Variants in PLCG2 observed in about 807,000 individuals in gnomAD.
The protein encoded by PLCG2 is 1-phosphatidylinositol 4,5-bisphosphate phosphodiesterase gamma-2.
PLCG2 carries 69 observed loss-of-function variants against 175.6 expected under a neutral mutation model. The observed-to-expected ratio is 0.39, with a 90% CI of 0.32 to 0.48. PLCG2 has a LOEUF of 0.48. PLCG2 is among the 20% of genes least tolerant of loss of function. The pLI, the probability that PLCG2 is intolerant of heterozygous loss-of-function variation, is 0.91. For missense variants in PLCG2, 1,798 were observed against 1,650.9 expected, an observed-to-expected ratio of 1.09 and a Z score of -1.54; for synonymous variants, 827 against 624.0, an observed-to-expected ratio of 1.33 and a Z score of -4.85.
At chr16:81,882,146 T>G (rs1021343553) in intron 8 of PLCG2, among the ~76,000 whole-genome samples, 3 of 152,308 alleles carry the variant, frequency 2.0e-5, no homozygotes, top group African/African-American at 7.2e-5. Flanking sequence ...CTCCTGCAAG[T>G]GCTCAGGGAA....
At chr16:81,857,312 C>T (rs759678322) in intron 3 of PLCG2, among the ~76,000 whole-genome samples, 1 of 152,190 alleles carries the variant, frequency 6.6e-6, no homozygotes, top group Non-Finnish European at 1.5e-5. Flanking sequence ...TGGAGTTGGA[C>T]ACCTGGGTTT....
rs184190327 is a variant in PLCG2 at position 81,935,420 on chromosome 16, G to T, written c.2843-749G>T. 4.9e-5 allele frequency: 22 copies of T among 451,704 alleles called. No individual in the cohort carries two copies. The East Asian group carries it at 3.1e-3, about 65-fold the overall frequency. 28.0% of individuals were successfully genotyped at this position (451,704 alleles called of 1,614,324 possible). A position where few individuals can be genotyped will look rare whatever the true frequency, so the allele number is the denominator to read the frequency against. ...TATTAGGGCCTGGACATCTTTGGGG[G>T]CCATTTAAAAAAAAAAAGACCTTCT... On this transcript the variant is annotated intron_variant, in intron 26 of 32. Coordinates refer to ENST00000564138, the MANE Select transcript of PLCG2 (RefSeq NM_002661.5).
chr16:81,899,365 A>T (rs1440457730), intron 13 of PLCG2, among the ~76,000 whole-genome samples: 1 of 151,846 alleles, frequency 6.6e-6, no homozygotes, highest in Non-Finnish European at 1.5e-5. Flanking sequence ...TGATATGTGA[A>T]TTTATACATA....
intron 2 of PLCG2, among the ~76,000 whole-genome samples, chr16:81,812,428 T>C (rs1477245822): frequency 6.6e-6 from 1 of 152,238 alleles, no homozygotes; most frequent in African/African-American, 2.4e-5. Flanking sequence ...TTTGCATTTC[T>C]CTAATGACCA....
chr16:81,956,238 A>G (rs754750727), intron 31 of PLCG2, among the ~76,000 whole-genome samples: 22 of 152,224 alleles, frequency 1.4e-4, no homozygotes, highest in Non-Finnish European at 3.1e-4. Context: ...CTTGCCTTTT[A>G]AGGCCCTTAA....
intron 31 of PLCG2, among the ~76,000 whole-genome samples, chr16:81,955,750 C>T (rs112797817): frequency 1.2e-4 from 18 of 152,324 alleles, no homozygotes; most frequent in African/African-American, 3.6e-4. Flanking sequence ...GAAAGTCCCA[C>T]GGATGCGTCT....
At chr16:81,920,403 G>C (rs1910012925) in intron 20 of PLCG2, among the ~76,000 whole-genome samples, 1 of 152,214 alleles carries the variant, frequency 6.6e-6, no homozygotes, top group Admixed American at 6.5e-5. Flanking sequence ...CTGGAGAGGA[G>C]AGACAGATAA....
At chr16:81,957,080 C>G (rs1198181299) in intron 32 of PLCG2, among the ~76,000 whole-genome samples, 1 of 152,090 alleles carries the variant, frequency 6.6e-6, no homozygotes, top group Non-Finnish European at 1.5e-5. Flanking sequence ...GGTTGGATCA[C>G]CTGAGGTCAG....
At chr16:81,949,758 A>C (rs1470411066) in intron 31 of PLCG2, among the ~76,000 whole-genome samples, 2 of 152,218 alleles carry the variant, frequency 1.3e-5, no homozygotes, top group East Asian at 3.8e-4. Flanking sequence ...AGGATTTTTG[A>C]ATTGGAAGAA....
intron 2 of PLCG2, among the ~76,000 whole-genome samples, chr16:81,810,646 TTTTA>T (rs1197806442): frequency 1.4e-5 from 2 of 146,720 alleles, no homozygotes; most frequent in Non-Finnish European, 3.0e-5. Context: ...ATTTCTTTCT[TTTTA>T]TTTTTTGCTG....
At position 81,895,862 on chromosome 16, in the gene PLCG2, G is replaced by A. The variant is rs753644315; in HGVS notation, c.1128G>A (p.Arg376=). The A allele has an allele frequency of 1.2e-6, 2 of 1,614,054 alleles. No homozygotes were observed. Among genetic ancestry groups the A allele is most frequent in the Non-Finnish European group, 1.7e-6 (2 of 1,180,022 alleles). ...CGGTCATCTACCATGGCTGGACGCG[G>A]ACTACCAAGATCAAGTTTGACGACG... The part of the protein sequence containing the change: ...GKPVIYHGWT[R]TTKIKFDDVV... The change falls in exon 13 of 33, where the codon CGG becomes CGA. Residue 376 remains arginine, a synonymous_variant. Transcript: ENST00000564138.
chr16:81,806,524 A>C (rs1229572322), intron 2 of PLCG2, among the ~76,000 whole-genome samples: 1 of 152,130 alleles, frequency 6.6e-6, no homozygotes, highest in East Asian at 1.9e-4. Context: ...CTTTTGACCC[A>C]GGCAGCACTG....
chr16:81,822,813 A>T (rs1904864572), intron 2 of PLCG2, among the ~76,000 whole-genome samples: 1 of 149,464 alleles, frequency 6.7e-6, no homozygotes, highest in African/African-American at 2.5e-5. Flanking sequence ...TGAGTAGAAG[A>T]CAATGGCAAG....
chr16:81,777,106 C>T (rs1910428017), upstream of PLCG2, among the ~76,000 whole-genome samples: 1 of 116,654 alleles, frequency 8.6e-6, no homozygotes, highest in Non-Finnish European at 1.8e-5. Flanking sequence ...ACTATAGGCT[C>T]ACAGGCATAG....
intron 31 of PLCG2, among the ~76,000 whole-genome samples, chr16:81,951,321 T>C (rs1173976680): frequency 6.6e-6 from 1 of 152,154 alleles, no homozygotes; most frequent in African/African-American, 2.4e-5. Flanking sequence ...AGGAAAAACA[T>C]GTAAGAGTAA....
chr16:81,855,985 C>G (rs1031103457), intron 3 of PLCG2, among the ~76,000 whole-genome samples: 1 of 152,228 alleles, frequency 6.6e-6, no homozygotes, highest in Non-Finnish European at 1.5e-5. Context: ...CCCTGACCCC[C>G]TGTTCTTAAT....
In PLCG2 at chr16:81,785,923, C is replaced by T; in HGVS notation, c.-47-20C>T. On this transcript the variant is annotated intron_variant, in intron 1 of 32. Transcript: ENST00000564138. Reference sequence around the variant, plus strand: ...CTTTCAGTACTAAAATCAGTTCACTCTTTAATTCTGCCCTTTCAGCTTCCT... The same window carrying T: ...CTTTCAGTACTAAAATCAGTTCACTTTTTAATTCTGCCCTTTCAGCTTCCT... 2 of 1,468,348 alleles carry T rather than the reference C, an allele frequency of 1.4e-6. No individual in the cohort carries two copies. Among genetic ancestry groups the T allele is most frequent in the Non-Finnish European group, 1.9e-6 (2 of 1,063,886 alleles). 91.0% of individuals were successfully genotyped at this position (1,468,348 alleles called of 1,614,324 possible).
chr16:81,789,060 G>A (rs1326189153), intron 2 of PLCG2, among the ~76,000 whole-genome samples: 2 of 152,184 alleles, frequency 1.3e-5, no homozygotes, highest in African/African-American at 4.8e-5. Context: ...ATTAACCATG[G>A]CATGTGTATA....
intron 2 of PLCG2, among the ~76,000 whole-genome samples, chr16:81,794,360 T>C (rs1911370696): frequency 6.6e-6 from 1 of 152,234 alleles, no homozygotes; most frequent in Non-Finnish European, 1.5e-5. Flanking sequence ...TAATAATAAA[T>C]GAATTATTTT....
Sources: gnomAD v4.1 joint callset for allele counts (sites outside exome capture counted in the v4.1 genomes callset) on GRCh38, gnomAD v4.1.1 for gene constraint, MANE v1.5 for transcripts, NCBI Gene and HGNC (gene_info 2026-07-23, HGNC 2026-07-21) for gene names.